The following EYS variants were observed in gnomAD, a reference collection of about 807,000 sequenced individuals.
EYS encodes protein eyes shut homolog.
Under a neutral mutation model 282.1 loss-of-function variants are expected in EYS, and 250 were observed. The observed-to-expected ratio is 0.89, with a 90% CI of 0.80 to 0.98. EYS has a LOEUF of 0.98. Ranked by LOEUF, EYS falls within the 50% of genes least tolerant of loss-of-function variation. The probability of loss-of-function intolerance (pLI) is 0.00; values close to 1 mark genes in which losing one functional copy is unlikely to be tolerated. For missense variants in EYS, 4,016 were observed against 3,709.0 expected, an observed-to-expected ratio of 1.08 and a Z score of -2.15; for synonymous variants, 1,355 against 1,282.9, an observed-to-expected ratio of 1.06 and a Z score of -1.20.
chr6:64,507,603 A>G (rs1651456258), intron 26 of EYS, among the ~76,000 whole-genome samples: 2 of 151,806 alleles, frequency 1.3e-5, no homozygotes, highest in East Asian at 1.9e-4. Flanking sequence ...AATGAATACA[A>G]CTTGGTTCCT....
At chr6:65,373,739 G>A (rs1394529175) in intron 8 of EYS, among the ~76,000 whole-genome samples, 1 of 151,872 alleles carries the variant, frequency 6.6e-6, no homozygotes, top group African/African-American at 2.4e-5. Context: ...TAATATTCTT[G>A]TTGTTTAATT....
At chr6:65,605,763 G>C (rs944947629) in intron 2 of EYS, among the ~76,000 whole-genome samples, 3 of 151,578 alleles carry the variant, frequency 2.0e-5, no homozygotes, top group Non-Finnish European at 3.0e-5. Flanking sequence ...ACACTTTTTT[G>C]AGTGAAAAAG....
At chr6:63,966,099 A>G (rs1436266337) in intron 35 of EYS, among the ~76,000 whole-genome samples, 1 of 152,184 alleles carries the variant, frequency 6.6e-6, no homozygotes. Flanking sequence ...ATTGCAAAGC[A>G]CTTAAAAACT....
chr6:63,765,795 C>T (rs1256241477), intron 40 of EYS, among the ~76,000 whole-genome samples: 1 of 151,998 alleles, frequency 6.6e-6, no homozygotes, highest in Admixed American at 6.6e-5. Flanking sequence ...CTCCCTGTTA[C>T]CTACCACCGT....
intron 33 of EYS, among the ~76,000 whole-genome samples, chr6:64,032,679 C>G (rs935223397): frequency 6.6e-6 from 1 of 152,080 alleles, no homozygotes; most frequent in African/African-American, 2.4e-5. Flanking sequence ...CACAGCCCAC[C>G]CTTGATTTTA....
chr6:65,091,488 T>C (rs114157683), intron 12 of EYS, among the ~76,000 whole-genome samples: 2 of 151,478 alleles, frequency 1.3e-5, no homozygotes, highest in Non-Finnish European at 2.9e-5. Flanking sequence ...AATAAATAAC[T>C]GCTTAATAAT....
intron 31 of EYS, among the ~76,000 whole-genome samples, chr6:64,171,735 T>A (rs554123826): frequency 3.5e-4 from 53 of 152,252 alleles, no homozygotes; most frequent in Admixed American, 3.4e-3. Flanking sequence ...AAAAAAAAGT[T>A]TTAGATGGGT....
intron 29 of EYS, among the ~76,000 whole-genome samples, chr6:64,378,225 T>G (rs1365358912): frequency 6.6e-6 from 1 of 152,196 alleles, no homozygotes; most frequent in Non-Finnish European, 1.5e-5. Context: ...AAATAATTTT[T>G]GTTTTCTTAT....
At chr6:64,548,181 G>A (rs372754297) in intron 26 of EYS, among the ~76,000 whole-genome samples, 1 of 152,318 alleles carries the variant, frequency 6.6e-6, no homozygotes, top group East Asian at 1.9e-4. Context: ...GAGGCACCAA[G>A]AGCAAGCGAG....
At chr6:64,732,750 A>T (rs1772016722) in intron 22 of EYS, among the ~76,000 whole-genome samples, 1 of 151,532 alleles carries the variant, frequency 6.6e-6, no homozygotes, top group African/African-American at 2.4e-5. Context: ...GAAACAGGCA[A>T]AAAAGAGTAC....
At chr6:64,658,951 C>T (rs1273597728) in intron 22 of EYS, among the ~76,000 whole-genome samples, 2 of 152,254 alleles carry the variant, frequency 1.3e-5, no homozygotes, top group Non-Finnish European at 2.9e-5. Context: ...CTCAGCACCA[C>T]ACTGCACTTA....
chr6:64,547,470 A>C (rs112923442), intron 26 of EYS, among the ~76,000 whole-genome samples: 7,791 of 152,072 alleles, frequency 0.051, 458 homozygotes, highest in African/African-American at 0.13. Context: ...TTCTCCAAGT[A>C]CCCACCAGAG....
At chr6:65,189,532 G>C (rs1211092232) in intron 12 of EYS, among the ~76,000 whole-genome samples, 1 of 151,732 alleles carries the variant, frequency 6.6e-6, no homozygotes, top group Non-Finnish European at 1.5e-5. Context: ...AAGCACAGAA[G>C]ACAATAAAAT....
intron 5 of EYS, among the ~76,000 whole-genome samples, chr6:65,408,709 A>G (rs1207954520): frequency 1.3e-5 from 2 of 152,086 alleles, no homozygotes; most frequent in East Asian, 1.9e-4. Flanking sequence ...AGAAGTTTTA[A>G]TGATTTCTGT....
In EYS at chr6:65,087,109, C is replaced by A. The variant is rs1331037403; in HGVS notation, c.2024-29382G>T. Among the ~76,000 whole-genome samples the A allele has an allele frequency of 2.6e-5, 4 of 152,158 alleles. No individual in the cohort carries two copies. The South Asian group carries it at 8.3e-4, about 31-fold the overall frequency. On this transcript the variant is annotated intron_variant, in intron 12 of 42. Coordinates refer to ENST00000503581, the MANE Select transcript of EYS (RefSeq NM_001142800.2). ...GTGCTGGGATTACAGGCATGAGCCA[C>A]CGTACCCAGCCATATGTGTTATTTT...
At chr6:64,030,936 G>A (rs1203312938) in intron 33 of EYS, among the ~76,000 whole-genome samples, 2 of 152,242 alleles carry the variant, frequency 1.3e-5, no homozygotes, top group Non-Finnish European at 2.9e-5. Context: ...AGTAGCTAGA[G>A]CGGTCATCGG....
At chr6:65,267,063 CT>C (rs1280717038) in intron 12 of EYS, among the ~76,000 whole-genome samples, 1 of 150,820 alleles carries the variant, frequency 6.6e-6, no homozygotes, top group African/African-American at 2.4e-5. Context: ...ACAAGTCTTG[CT>C]TCTTCCAGAA....
chr6:64,379,569 AT>A (rs1052910682), intron 29 of EYS: 1 of 151,858 alleles, frequency 6.6e-6, no homozygotes, highest in African/African-American at 2.4e-5. Context: ...GGTTTTGTTG[AT>A]TTGTTTTTGT....
intron 19 of EYS, among the ~76,000 whole-genome samples, chr6:64,832,941 T>C (rs1765269216): frequency 6.6e-6 from 1 of 151,916 alleles, no homozygotes; most frequent in Admixed American, 6.6e-5. Context: ...AAATGATTGC[T>C]CTAAGCTTGT....
Sources: allele counts gnomAD v4.1 joint callset (sites outside exome capture counted in the v4.1 genomes callset), GRCh38; gene constraint gnomAD v4.1.1; transcripts MANE v1.5; gene names NCBI Gene and HGNC (gene_info 2026-07-23, HGNC 2026-07-21).